The following FOXO3 variants were observed in gnomAD, a reference collection of about 807,000 sequenced individuals.
FOXO3 encodes the protein forkhead box protein O3.
A neutral mutation model predicts 41.9 loss-of-function variants in FOXO3; 4 were observed. That is an observed-to-expected ratio of 0.10 (90% CI 0.05 to 0.22). The LOEUF is 0.22. Ranked by LOEUF, FOXO3 falls within the 10% of genes least tolerant of loss-of-function variation. FOXO3 has a pLI of 1.00. For missense variants in FOXO3, 534 were observed against 906.8 expected, an observed-to-expected ratio of 0.59 and a Z score of 5.28; for synonymous variants, 318 against 389.3, an observed-to-expected ratio of 0.82 and a Z score of 2.16.
At chr6:108,652,448 A>G (rs1009821685) in intron 1 of FOXO3, among the ~76,000 whole-genome samples, 8 of 152,218 alleles carry the variant, frequency 5.3e-5, no homozygotes, top group African/African-American at 1.9e-4. Context: ...TGAATCACAC[A>G]GATTTTGTAG....
At chr6:108,656,040 G>T (rs576942072) in intron 1 of FOXO3, among the ~76,000 whole-genome samples, 1 of 151,840 alleles carries the variant, frequency 6.6e-6, no homozygotes, top group Non-Finnish European at 1.5e-5. Context: ...GCCTGCAGTC[G>T]GCCTGGTGGG....
chr6:108,635,808 G>A (rs1329466530), intron 1 of FOXO3, among the ~76,000 whole-genome samples: 2 of 152,208 alleles, frequency 1.3e-5, no homozygotes, highest in Non-Finnish European at 1.5e-5. Context: ...CAGAATTCAT[G>A]TTTTCTGGAC....
intron 1 of FOXO3, among the ~76,000 whole-genome samples, chr6:108,617,842 T>G (rs935133113): frequency 6.6e-6 from 1 of 152,224 alleles, no homozygotes; most frequent in African/African-American, 2.4e-5. Flanking sequence ...GTTACTTTTA[T>G]GTACAGTAAA....
intron 1 of FOXO3, among the ~76,000 whole-genome samples, chr6:108,578,181 A>T (rs953555967): frequency 6.6e-6 from 1 of 152,212 alleles, no homozygotes; most frequent in African/African-American, 2.4e-5. Flanking sequence ...GGAACTTTCA[A>T]CATCACGTAG....
At chr6:108,596,592 C>G in intron 1 of FOXO3, among the ~76,000 whole-genome samples, 1 of 152,042 alleles carries the variant, frequency 6.6e-6, no homozygotes, top group Non-Finnish European at 1.5e-5. Flanking sequence ...AGATGGGTCA[C>G]TAAGAAGCAA....
At chr6:108,574,331 A>G (rs1393905506) in intron 1 of FOXO3, among the ~76,000 whole-genome samples, 2 of 152,084 alleles carry the variant, frequency 1.3e-5, no homozygotes, top group African/African-American at 2.4e-5. Flanking sequence ...ATTATTTAGA[A>G]GAATAGAGTG....
At chr6:108,667,986 C>T (rs1444979050) in intron 2 of FOXO3, among the ~76,000 whole-genome samples, 2 of 152,212 alleles carry the variant, frequency 1.3e-5, no homozygotes, top group Admixed American at 6.5e-5. Context: ...TACTTTAAAA[C>T]TTAACTGTGA....
rs189430664 is a variant in FOXO3 at position 108,658,419 on chromosome 6, C to T, written c.622-5036C>T. ...GGTAATAGGCTCCAGGGAATGCATTCTGCCACTAAGAAACCTCTAAACTGA... is the reference window on the plus strand; with the variant it reads ...GGTAATAGGCTCCAGGGAATGCATTTTGCCACTAAGAAACCTCTAAACTGA... On this transcript the variant is annotated intron_variant, in intron 1 of 2. Coordinates refer to ENST00000406360, the MANE Select transcript of FOXO3 (RefSeq NM_001455.4). Among the ~76,000 whole-genome samples, 13 of 152,306 alleles carry T rather than the reference C, an allele frequency of 8.5e-5. No homozygotes were observed. In the East Asian group the frequency reaches 1.9e-3, roughly 23 times the overall value.
At position 108,601,762 on chromosome 6, in the gene FOXO3, A is replaced by T. The variant is rs1190375750; in HGVS notation, c.621+39933A>T. Among the ~76,000 whole-genome samples, 5 of 152,154 alleles carry T rather than the reference A, an allele frequency of 3.3e-5. No individual in the cohort carries two copies. The East Asian group carries it at 9.6e-4, about 29-fold the overall frequency. On this transcript the variant is annotated intron_variant, in intron 1 of 2. Coordinates refer to ENST00000406360, the MANE Select transcript of FOXO3 (RefSeq NM_001455.4). ...ATCATACAGTATATGGATTTTTGGG[A>T]TTGACTTTTTCCATTAAGCCTGATT...
intron 1 of FOXO3, among the ~76,000 whole-genome samples, chr6:108,583,054 T>A (rs1390889815): frequency 6.6e-6 from 1 of 152,154 alleles, no homozygotes; most frequent in Admixed American, 6.5e-5. Flanking sequence ...ATCAAAGATG[T>A]AAAGGAGGTT....
In FOXO3 at chr6:108,664,854, G is replaced by A. The variant is rs774852904; in HGVS notation, c.2021G>A (p.Ter674=). The A allele has an allele frequency of 6.3e-7, 1 of 1,582,308 alleles. No homozygotes were observed. The highest frequency in any genetic ancestry group is 1.2e-5 in the South Asian group (1 of 84,844). ...QASSQSWVPG[*] ...TCATCTCAGAGCTGGGTGCCAGGCT[G>A]AAGGATCACTGAGGAAGGGGAAGTG... The change falls in exon 2 of 3, where the codon TGA becomes TAA. Residue 674 remains the stop codon, a stop_retained_variant. Transcript: ENST00000406360.
chr6:108,684,245 C>T lies in FOXO3; in HGVS notation c.*4453C>T, dbSNP rs1449916926. Reference sequence around the variant, plus strand: ...ACATTATGTACATGGGAAATGTAAACAAATGTGAAGGAGGACCAGAAAAAT... The same window carrying T: ...ACATTATGTACATGGGAAATGTAAATAAATGTGAAGGAGGACCAGAAAAAT... On this transcript the variant is annotated 3_prime_UTR_variant, in exon 3 of 3. Coordinates refer to ENST00000406360, the MANE Select transcript of FOXO3 (RefSeq NM_001455.4). 1 of 152,220 alleles carries T rather than the reference C, an allele frequency of 6.6e-6. No individual in the cohort carries two copies. The highest frequency in any genetic ancestry group is 1.5e-5 in the Non-Finnish European group (1 of 67,996). 9.4% of individuals were successfully genotyped at this position (152,220 alleles called of 1,614,324 possible). A position where few individuals can be genotyped will look rare whatever the true frequency, so the allele number is the denominator to read the frequency against.
intron 1 of FOXO3, among the ~76,000 whole-genome samples, chr6:108,660,555 G>C (rs186416258): frequency 6.6e-6 from 1 of 152,318 alleles, no homozygotes; most frequent in African/African-American, 2.4e-5. Context: ...GTAAAATCCT[G>C]CTGACATTCT....
chr6:108,675,284 TG>T (rs1770539301), intron 2 of FOXO3, among the ~76,000 whole-genome samples: 1 of 152,212 alleles, frequency 6.6e-6, no homozygotes, highest in African/African-American at 2.4e-5. Flanking sequence ...CCTCTCTCCC[TG>T]TGTCTCCCTT....
chr6:108,650,954 G>A (rs1369847804), intron 1 of FOXO3, among the ~76,000 whole-genome samples: 4 of 152,064 alleles, frequency 2.6e-5, no homozygotes, highest in Non-Finnish European at 5.9e-5. Flanking sequence ...GTCATCAGCC[G>A]CTTTTGCATC....
intron 1 of FOXO3, among the ~76,000 whole-genome samples, chr6:108,616,444 G>A (rs1777516945): frequency 6.6e-6 from 1 of 151,998 alleles, no homozygotes; most frequent in African/African-American, 2.4e-5. Flanking sequence ...TTACAGGCGT[G>A]AGCCACCACA....
chr6:108,608,773 G>A (rs916112451), intron 1 of FOXO3, among the ~76,000 whole-genome samples: 1 of 152,158 alleles, frequency 6.6e-6, no homozygotes, highest in African/African-American at 2.4e-5. Context: ...AATAGTAAAC[G>A]CTTCAGAAAG....
At chr6:108,659,857 T>C (rs1237297960) in intron 1 of FOXO3, among the ~76,000 whole-genome samples, 2 of 152,254 alleles carry the variant, frequency 1.3e-5, no homozygotes, top group Non-Finnish European at 2.9e-5. Flanking sequence ...AGAATTGTGA[T>C]AGATGGCCAT....
intron 1 of FOXO3, among the ~76,000 whole-genome samples, chr6:108,616,411 T>A (rs1366623560): frequency 6.6e-6 from 1 of 152,080 alleles, no homozygotes; most frequent in African/African-American, 2.4e-5. Context: ...TCCACCCGCC[T>A]CTGCCTCCCA....
Sources: allele counts gnomAD v4.1 joint callset (sites outside exome capture counted in the v4.1 genomes callset), GRCh38; gene constraint gnomAD v4.1.1; transcripts MANE v1.5; gene names NCBI Gene and HGNC (gene_info 2026-07-23, HGNC 2026-07-21).